The following PPP2R3C variants were observed in gnomAD, a reference collection of about 807,000 sequenced individuals.
The protein encoded by PPP2R3C is serine/threonine-protein phosphatase 2A regulatory subunit B'' subunit gamma.
PPP2R3C carries 47 observed loss-of-function variants against 63.7 expected under a neutral mutation model. That is an observed-to-expected ratio of 0.74 (90% CI 0.58 to 0.94). The LOEUF is 0.94. Among genes scored for constraint, PPP2R3C ranks in the 40% least tolerant of loss-of-function variants. The probability of loss-of-function intolerance (pLI) is 0.00; values close to 1 mark genes in which losing one functional copy is unlikely to be tolerated. For synonymous variants in PPP2R3C, 180 were observed against 177.4 expected (o/e 1.01, Z -0.12); for missense variants, 421 against 518.4 (o/e 0.81, Z 1.82).
intron 7 of PPP2R3C, chr14:35,098,992 C>A (rs1261701039): frequency 1.0e-5 from 3 of 298,546 alleles, no homozygotes; most frequent in African/African-American, 2.2e-5. Context: ...GTTCATACTT[C>A]TTCACTGTTA....
chr14:35,099,528 C>A, intron 6 of PPP2R3C, 144 bp from the exon 7 acceptor site: 1 of 1,054,798 alleles, frequency 9.5e-7, no homozygotes, highest in Non-Finnish European at 1.2e-6. Flanking sequence ...AACTATTTTA[C>A]ATTAAATTTT....
At chr14:35,122,244 G>T (rs974888269), upstream of PPP2R3C, 19 of 443,078 alleles carry the variant, frequency 4.3e-5, no homozygotes, top group Non-Finnish European at 6.7e-5. Flanking sequence ...TAAAGGCCAC[G>T]ATAAGCCCGC....
In PPP2R3C at chr14:35,095,197, A is replaced by C; in HGVS notation, c.839-13T>G. ...TTCAAGTACTGGCCTTGGGAAGAAAAATAATAAAGACACTTATGACCACAA... is the reference window on the plus strand; with the variant it reads ...TTCAAGTACTGGCCTTGGGAAGAAACATAATAAAGACACTTATGACCACAA... On this transcript the variant is annotated splice_polypyrimidine_tract_variant and intron_variant, in intron 9 of 12. Coordinates refer to ENST00000261475, the MANE Select transcript of PPP2R3C (RefSeq NM_017917.4). The C allele has an allele frequency of 6.2e-7, 1 of 1,608,028 alleles. No homozygotes were observed. Among genetic ancestry groups the C allele is most frequent in the Non-Finnish European group, 8.5e-7 (1 of 1,177,558 alleles).
chr14:35,088,139 C>A, intron 11 of PPP2R3C, 129 bp from the exon 12 acceptor site: 1 of 730,104 alleles, frequency 1.4e-6, no homozygotes, highest in South Asian at 1.6e-5. Context: ...CTCTCTCTTG[C>A]CAATCTTCTT....
At chr14:35,090,906 G>A (rs980446882) in intron 11 of PPP2R3C, among the ~76,000 whole-genome samples, 164 bp downstream of exon 11, 7 of 151,810 alleles carry the variant, frequency 4.6e-5, no homozygotes, top group African/African-American at 9.7e-5. Context: ...TAGTAGAGAC[G>A]GGGTTTCACC....
intron 10 of PPP2R3C, 91 bp from the exon 11 acceptor site, chr14:35,091,298 A>C: frequency 8.0e-7 from 1 of 1,248,212 alleles, no homozygotes; most frequent in East Asian, 2.5e-5. Context: ...TTTGCAATCA[A>C]AGGTGGCAAA....
intron 2 of PPP2R3C, 64 bp downstream of exon 2, chr14:35,116,546 T>C (rs2138716941): frequency 2.2e-6 from 3 of 1,375,264 alleles, no homozygotes; most frequent in East Asian, 5.5e-5. Flanking sequence ...TGAGCCACCC[T>C]GCCTTGCCAA....
chr14:35,116,481 C>T (rs757950909), intron 2 of PPP2R3C, 129 bp downstream of exon 2: 3 of 629,436 alleles, frequency 4.8e-6, no homozygotes, highest in Non-Finnish European at 7.1e-6. Context: ...TCTCAAATTC[C>T]TGGACTCAAG....
chr14:35,105,706 C>G (rs746296675), intron 6 of PPP2R3C, among the ~76,000 whole-genome samples: 23 of 152,162 alleles, frequency 1.5e-4, no homozygotes, highest in Non-Finnish European at 2.5e-4. Context: ...TCCCTTTGCT[C>G]TGCTGGAAGC....
chr14:35,111,142 G>A (rs888724144), intron 2 of PPP2R3C, among the ~76,000 whole-genome samples: 21 of 150,436 alleles, frequency 1.4e-4, no homozygotes, highest in African/African-American at 4.9e-4. Flanking sequence ...GGCTGAGGCA[G>A]GAGAATTGCT....
At chr14:35,104,684 T>C (rs1039930102) in intron 6 of PPP2R3C, among the ~76,000 whole-genome samples, 4 of 152,330 alleles carry the variant, frequency 2.6e-5, no homozygotes, top group Admixed American at 2.0e-4. Context: ...GTAACTGACC[T>C]AGCAATCTTA....
rs1566685048 is a variant in PPP2R3C at position 35,091,184 on chromosome 14, A to G, written c.999T>C (p.Phe333=). Residue 333 remains phenylalanine, a synonymous_variant, in exon 11 of 13, where the codon TTT becomes TTC. Coordinates refer to ENST00000261475, the MANE Select transcript of PPP2R3C (RefSeq NM_017917.4). ...CCTTTCTGTTTTCTAATGCAAGGAC[A>G]AAGTCCAAGTAGGTCTTATAGTCCT... The part of the protein sequence containing the change: ...GEMDYKTYLD[F]VLALENRKEP... 37 of 1,611,124 alleles carry G rather than the reference A, an allele frequency of 2.3e-5. No homozygotes were observed. In the East Asian group the frequency reaches 8.0e-4, roughly 35 times the overall value.
At chr14:35,097,605 C>T (rs1566409756) in intron 7 of PPP2R3C, among the ~76,000 whole-genome samples, 1 of 151,698 alleles carries the variant, frequency 6.6e-6, no homozygotes, top group Non-Finnish European at 1.5e-5. Context: ...GCCTCAGCCT[C>T]CTAAGTAGCT....
intron 11 of PPP2R3C, among the ~76,000 whole-genome samples, chr14:35,088,278 G>A (rs1187927316): frequency 6.6e-6 from 1 of 152,138 alleles, no homozygotes; most frequent in Non-Finnish European, 1.5e-5. Context: ...ACGGATTGCT[G>A]CTTCTACATA....
intron 6 of PPP2R3C, chr14:35,102,836 C>T (rs11625810): frequency 0.21 from 31,601 of 152,282 alleles, 3,955 homozygotes; most frequent in Non-Finnish European, 0.29. Context: ...TCTTGGCTCA[C>T]TGCAACCTCC....
intron 2 of PPP2R3C, among the ~76,000 whole-genome samples, chr14:35,114,153 A>G (rs1422847256): frequency 2.0e-5 from 3 of 152,202 alleles, no homozygotes; most frequent in Non-Finnish European, 4.4e-5. Flanking sequence ...AAAAAGCAGT[A>G]AAGGTATGTA....
intron 11 of PPP2R3C, among the ~76,000 whole-genome samples, chr14:35,088,299 C>G (rs1202668777): frequency 1.3e-5 from 2 of 152,158 alleles, no homozygotes; most frequent in Admixed American, 1.3e-4. Flanking sequence ...GGAATGTTCT[C>G]CAACCTCAAA....
At chr14:35,111,489 A>G (rs1029798842) in intron 2 of PPP2R3C, among the ~76,000 whole-genome samples, 1 of 152,210 alleles carries the variant, frequency 6.6e-6, no homozygotes, top group Non-Finnish European at 1.5e-5. Context: ...GCTCATCCCA[A>G]AACTAAACTG....
chr14:35,085,869 G>T, intron 12 of PPP2R3C, 91 bp from the exon 13 acceptor site: 1 of 1,016,098 alleles, frequency 9.8e-7, no homozygotes, highest in South Asian at 1.7e-5. Flanking sequence ...TGCATCCACT[G>T]AAGTACAGAG....
Sources: allele counts gnomAD v4.1 joint callset (sites outside exome capture counted in the v4.1 genomes callset), GRCh38; gene constraint gnomAD v4.1.1; transcripts MANE v1.5; gene names NCBI Gene and HGNC (gene_info 2026-07-23, HGNC 2026-07-21).